SOX5: variants seen among roughly 807,000 people sequenced by gnomAD.
SOX5 encodes transcription factor SOX-5.
In SOX5, 9 loss-of-function variants were observed where a neutral mutation model predicts 92.0. The observed-to-expected ratio is 0.10, with a 90% CI of 0.06 to 0.17. The LOEUF is 0.17. SOX5 is among the 10% of genes least tolerant of loss of function. The probability of loss-of-function intolerance (pLI) is 1.00; values close to 1 mark genes in which losing one functional copy is unlikely to be tolerated. For missense variants in SOX5, 642 were observed against 944.5 expected (o/e 0.68, Z 4.20); for synonymous variants, 344 against 336.3 (o/e 1.02, Z -0.25).
At chr12:23,621,035 T>C (rs1020346812) in intron 8 of SOX5, among the ~76,000 whole-genome samples, 6 of 152,160 alleles carry the variant, frequency 3.9e-5, no homozygotes, top group Admixed American at 3.3e-4. Flanking sequence ...TTTCTCTATT[T>C]GACACTACAT....
chr12:24,462,597 C>G (rs962316347), intron 1 of SOX5, among the ~76,000 whole-genome samples: 10 of 152,104 alleles, frequency 6.6e-5, no homozygotes, highest in African/African-American at 2.4e-4. Flanking sequence ...TCTATAATCC[C>G]TAGTAAAAAC....
chr12:23,790,491 C>T (rs532358755), intron 3 of SOX5, among the ~76,000 whole-genome samples: 5 of 151,238 alleles, frequency 3.3e-5, no homozygotes. Context: ...CTTCTTGCAG[C>T]GCCTGCCCTC....
chr12:23,856,513 A>G (rs556733954), intron 2 of SOX5, among the ~76,000 whole-genome samples: 10 of 152,258 alleles, frequency 6.6e-5, no homozygotes, highest in Admixed American at 2.0e-4. Flanking sequence ...TGATGAAATT[A>G]AAGTTCTAAA....
chr12:23,626,376 C>A (rs924937684), intron 8 of SOX5, among the ~76,000 whole-genome samples: 3 of 152,090 alleles, frequency 2.0e-5, no homozygotes, highest in Non-Finnish European at 4.4e-5. Context: ...TAGGTTGTCT[C>A]TTGGGTTATC....
chr12:24,228,508 T>C (rs1192348257), intron 3 of SOX5, among the ~76,000 whole-genome samples: 1 of 152,128 alleles, frequency 6.6e-6, no homozygotes, highest in Non-Finnish European at 1.5e-5. Context: ...TCTATGTGTT[T>C]TTCTTGTTGT....
At chr12:23,921,702 GCAT>G in intron 1 of SOX5, among the ~76,000 whole-genome samples, 1 of 152,096 alleles carries the variant, frequency 6.6e-6, no homozygotes, top group South Asian at 2.1e-4. Context: ...CAGACCAAAG[GCAT>G]CTGCTCTCTA....
chr12:24,074,860 T>C (rs901893250), intron 4 of SOX5, among the ~76,000 whole-genome samples: 6 of 151,126 alleles, frequency 4.0e-5, no homozygotes, highest in African/African-American at 7.3e-5. Flanking sequence ...TGGTTTCTAC[T>C]CTTTGGATTA....
At chr12:24,401,582 T>C (rs573771892) in intron 1 of SOX5, among the ~76,000 whole-genome samples, 1 of 151,706 alleles carries the variant, frequency 6.6e-6, no homozygotes, top group Admixed American at 6.6e-5. Context: ...TGGTGGCATA[T>C]GCCTGTAGTC....
At chr12:24,527,074 G>C (rs1950780163) in intron 1 of SOX5, among the ~76,000 whole-genome samples, 1 of 152,130 alleles carries the variant, frequency 6.6e-6, no homozygotes, top group South Asian at 2.1e-4. Context: ...TTACAGGCAT[G>C]AGCCACCACG....
At chr12:23,653,010 GGATGGATGAATGTACAGATA>G (rs1256390942) in intron 7 of SOX5, among the ~76,000 whole-genome samples, 2 of 145,668 alleles carry the variant, frequency 1.4e-5, no homozygotes, top group African/African-American at 5.2e-5. Flanking sequence ...ATGGATGGAT[GGATGGATGAATGTACAGATA>G]GATGGATGGA....
chr12:24,094,798 T>C (rs1185795577), intron 4 of SOX5, among the ~76,000 whole-genome samples: 6 of 152,084 alleles, frequency 3.9e-5, no homozygotes, highest in Non-Finnish European at 1.5e-5. Flanking sequence ...AATTTAACTA[T>C]TTCTGGACTC....
At chr12:24,198,543 C>T (rs186294679) in intron 4 of SOX5, among the ~76,000 whole-genome samples, 46 of 152,298 alleles carry the variant, frequency 3.0e-4, no homozygotes, top group African/African-American at 9.4e-4. Flanking sequence ...GTCTACTTGC[C>T]ACTGAGACCT....
chr12:23,953,799 G>A (rs914238098), upstream of SOX5, among the ~76,000 whole-genome samples: 1 of 152,004 alleles, frequency 6.6e-6, no homozygotes, highest in African/African-American at 2.4e-5. Context: ...GATGACCAAA[G>A]TGCAACAGTA....
intron 4 of SOX5, among the ~76,000 whole-genome samples, chr12:24,166,529 C>A (rs1953429588): frequency 6.6e-6 from 1 of 152,158 alleles, no homozygotes; most frequent in Non-Finnish European, 1.5e-5. Flanking sequence ...ATTTCCCAAG[C>A]CTTACACTAA....
intron 1 of SOX5, among the ~76,000 whole-genome samples, chr12:24,437,309 TA>T (rs1939635787): frequency 6.6e-6 from 1 of 152,076 alleles, no homozygotes; most frequent in African/African-American, 2.4e-5. Flanking sequence ...ACACCTTATA[TA>T]AAAATTAACT....
intron 10 of SOX5, among the ~76,000 whole-genome samples, chr12:23,574,531 A>G (rs751738985): frequency 2.0e-5 from 3 of 152,150 alleles, no homozygotes; most frequent in Admixed American, 2.0e-4. Context: ...AATTATGTCA[A>G]TTCTTCCTTG....
chr12:23,635,810 C>T (rs907915052), intron 8 of SOX5, among the ~76,000 whole-genome samples: 6 of 151,978 alleles, frequency 3.9e-5, no homozygotes, highest in African/African-American at 9.7e-5. Context: ...AAGGATAGCT[C>T]GACCCAAATG....
At chr12:23,825,606 C>T (rs2096216410) in intron 3 of SOX5, among the ~76,000 whole-genome samples, 1 of 152,024 alleles carries the variant, frequency 6.6e-6, no homozygotes, top group Non-Finnish European at 1.5e-5. Context: ...TTCGGAGATC[C>T]GACAGAGTTG....
chr12:24,081,667 G>A (rs1943346392), intron 4 of SOX5, among the ~76,000 whole-genome samples: 2 of 151,870 alleles, frequency 1.3e-5, no homozygotes, highest in African/African-American at 4.8e-5. Context: ...GGAACTCTCT[G>A]CACGGAACGT....
Sources: allele counts gnomAD v4.1 joint callset (sites outside exome capture counted in the v4.1 genomes callset), GRCh38; gene constraint gnomAD v4.1.1; transcripts MANE v1.5; gene names NCBI Gene and HGNC (gene_info 2026-07-23, HGNC 2026-07-21).